The following MAST2 variants were observed in gnomAD, a reference collection of about 807,000 sequenced individuals.
The protein encoded by MAST2 is microtubule-associated serine/threonine-protein kinase 2.
A neutral mutation model predicts 147.4 loss-of-function variants in MAST2; 70 were observed. That is an observed-to-expected ratio of 0.47 (90% CI 0.39 to 0.58). The LOEUF (loss-of-function observed/expected upper bound fraction) is 0.58, where lower values mean the gene tolerates loss of function less well. Ranked by LOEUF, MAST2 falls within the 20% of genes least tolerant of loss-of-function variation. The probability of loss-of-function intolerance (pLI) is 0.00; values close to 1 mark genes in which losing one functional copy is unlikely to be tolerated. For synonymous variants in MAST2, 869 were observed against 896.8 expected, an observed-to-expected ratio of 0.97 and a Z score of 0.55; for missense variants, 2,080 against 2,302.3, an observed-to-expected ratio of 0.90 and a Z score of 1.98.
intron 4 of MAST2, among the ~76,000 whole-genome samples, chr1:45,939,962 G>A (rs1323406943): frequency 1.0e-5 from 1 of 100,258 alleles, no homozygotes; most frequent in Non-Finnish European, 2.0e-5. Context: ...AAGAACGGAA[G>A]TTCTCTATTT....
rs146699767 is a variant in MAST2, at chr1:45,927,514, G to A, written c.501-31872G>A. ...TCCATGCTGAGAATAAGAATTCAGC[G>A]ATATTTCTCCCATTTGCTTTTGAAA... is the stretch of plus-strand genomic sequence containing the variant. On this transcript the variant is annotated intron_variant, in intron 4 of 28. Transcript: ENST00000361297. 8.7e-3 allele frequency among the ~76,000 whole-genome samples: 1,318 copies of A among 150,712 alleles called. 23 individuals are homozygous for A. The highest frequency in any genetic ancestry group is 0.031 in the African/African-American group (1,266 of 41,426).
At chr1:45,960,870 G>A (rs1449716751) in intron 5 of MAST2, among the ~76,000 whole-genome samples, 1 of 152,224 alleles carries the variant, frequency 6.6e-6, no homozygotes, top group East Asian at 1.9e-4. Context: ...TCAAAGCAGT[G>A]AAATGGGTCA....
intron 1 of MAST2, among the ~76,000 whole-genome samples, chr1:45,813,852 A>G (rs553458609): frequency 3.3e-5 from 5 of 152,056 alleles, no homozygotes; most frequent in South Asian, 4.1e-4. Flanking sequence ...AAGTCTTGCT[A>G]TGTTGCCCAG....
intron 4 of MAST2, among the ~76,000 whole-genome samples, chr1:45,891,440 C>T (rs1000935595): frequency 6.6e-6 from 1 of 152,146 alleles, no homozygotes; most frequent in African/African-American, 2.4e-5. Context: ...GATTGTGCCA[C>T]TGTACTCCAC....
intron 10 of MAST2, among the ~76,000 whole-genome samples, chr1:46,017,746 G>A (rs904046205): frequency 2.0e-5 from 3 of 152,114 alleles, no homozygotes; most frequent in Non-Finnish European, 4.4e-5. Flanking sequence ...CAACCATTGT[G>A]GAAGTCAGTG....
At chr1:45,862,307 A>T (rs1179351299) in intron 3 of MAST2, among the ~76,000 whole-genome samples, 1 of 152,080 alleles carries the variant, frequency 6.6e-6, no homozygotes, top group African/African-American at 2.4e-5. Context: ...TCCACAAAGG[A>T]TTTGAGGTGG....
At chr1:45,816,300 G>A (rs778425052) in intron 1 of MAST2, among the ~76,000 whole-genome samples, 2 of 151,540 alleles carry the variant, frequency 1.3e-5, no homozygotes, top group African/African-American at 2.4e-5. Flanking sequence ...ATGCAAACAA[G>A]CCCAGATCGC....
At chr1:45,978,535 T>G (rs1644267458) in intron 5 of MAST2, among the ~76,000 whole-genome samples, 1 of 151,678 alleles carries the variant, frequency 6.6e-6, no homozygotes. Context: ...AGAAAGAAAA[T>G]GCAAAATAAA....
chr1:45,917,413 T>C, intron 4 of MAST2: 2 of 1,366,546 alleles, frequency 1.5e-6, no homozygotes, highest in Non-Finnish European at 2.0e-6. Context: ...GCCCTCTTCC[T>C]CACTAAAGTC....
In MAST2 at chr1:46,030,112, C is replaced by A; in HGVS notation, c.2444-17C>A. ...CAGCAGGGCTCTGAAGGAAAGTGTCCTTTATGTCTGGCCCAGCCCGCTCAG... is the reference window on the plus strand; with the variant it reads ...CAGCAGGGCTCTGAAGGAAAGTGTCATTTATGTCTGGCCCAGCCCGCTCAG... On this transcript the variant is annotated splice_polypyrimidine_tract_variant and intron_variant, in intron 20 of 28. Coordinates refer to ENST00000361297, the MANE Select transcript of MAST2 (RefSeq NM_015112.3). 6.2e-7 allele frequency: 1 copy of A among 1,613,520 alleles called. No homozygotes were observed. Among genetic ancestry groups the A allele is most frequent in the Non-Finnish European group, 8.5e-7 (1 of 1,179,428 alleles).
chr1:45,830,261 G>A (rs1056414909), intron 3 of MAST2, among the ~76,000 whole-genome samples: 9 of 133,248 alleles, frequency 6.8e-5, no homozygotes, highest in Non-Finnish European at 1.2e-4. Flanking sequence ...TGCAACCTCT[G>A]TCTCCCAGGT....
chr1:45,940,394 A>G (rs1398008457), intron 4 of MAST2, among the ~76,000 whole-genome samples: 1 of 152,042 alleles, frequency 6.6e-6, no homozygotes, highest in Non-Finnish European at 1.5e-5. Context: ...TAATATTTCT[A>G]ATGCTATTGT....
At chr1:45,997,840 G>A in intron 6 of MAST2, 41 bp downstream of exon 6, 1 of 1,508,056 alleles carries the variant, frequency 6.6e-7, no homozygotes, top group Non-Finnish European at 9.2e-7. Flanking sequence ...AGCACATGTG[G>A]CACTTGCATG....
rs1557528836 is a variant in MAST2 at position 46,035,436 on chromosome 1, TGAG to T, written c.4772_4774del (p.Glu1591del). 1.2e-6 allele frequency: 2 copies of T among 1,613,052 alleles called. No homozygotes were observed. Among genetic ancestry groups the T allele is most frequent in the Admixed American group, 1.7e-5 (1 of 59,980 alleles). The stretch of plus-strand genomic sequence containing the variant: ...GGAGGCTCGGGAGCCCACAAGCCAT[TGAG>T]GAGGCTGCCAGCTCCTCCTCAGCAG... On this transcript the variant is annotated inframe_deletion, in exon 29 of 29. Transcript: ENST00000361297. This position sits in a 1 kb window ranked among gnomAD's most constrained non-coding sequence, Gnocchi z 5.5.
intron 4 of MAST2, among the ~76,000 whole-genome samples, chr1:45,948,445 C>T (rs975561379): frequency 2.4e-4 from 36 of 152,026 alleles, no homozygotes; most frequent in African/African-American, 6.3e-4. Context: ...CGGTGGCTCA[C>T]GCCTGTAATC....
intron 3 of MAST2, among the ~76,000 whole-genome samples, chr1:45,844,605 T>A (rs1296156141): frequency 6.6e-6 from 1 of 152,088 alleles, no homozygotes; most frequent in Non-Finnish European, 1.5e-5. Context: ...TTTAAACTTT[T>A]TGTAGAGGTG....
chr1:45,917,658 G>C, intron 4 of MAST2: 1 of 651,708 alleles, frequency 1.5e-6, no homozygotes, highest in Non-Finnish European at 2.3e-6. Context: ...ACAGAGAAGA[G>C]TAAAATAAAT....
Position 46,022,890 on chromosome 1 carries a change from T to C in MAST2, c.1424-20T>C, listed in dbSNP as rs1157964868. 2 of 1,605,842 alleles carry C rather than the reference T, an allele frequency of 1.2e-6. No individual in the cohort carries two copies. Among genetic ancestry groups the C allele is most frequent in the Non-Finnish European group, 1.7e-6 (2 of 1,172,464 alleles). ...CCTGACATTGCCACGCACATTCTTC[T>C]CTTGTATCTTTGTTTCCAGAAATGG... On this transcript the variant is annotated intron_variant, in intron 12 of 28. Coordinates refer to ENST00000361297, the MANE Select transcript of MAST2 (RefSeq NM_015112.3).
intron 4 of MAST2, among the ~76,000 whole-genome samples, chr1:45,952,823 C>CT (rs1166710086): frequency 1.3e-5 from 2 of 152,260 alleles, no homozygotes; most frequent in Non-Finnish European, 1.5e-5. Context: ...AGATTTATTA[C>CT]TATCAGATCC....
Sources: allele counts gnomAD v4.1 joint callset (sites outside exome capture counted in the v4.1 genomes callset), GRCh38; gene constraint gnomAD v4.1.1; non-coding constraint Gnocchi (gnomAD v3.1); transcripts MANE v1.5; gene names NCBI Gene and HGNC (gene_info 2026-07-23, HGNC 2026-07-21).